PRPF18: variants seen among roughly 807,000 people sequenced by gnomAD.
The protein encoded by PRPF18 is pre-mRNA processing factor 18.
In PRPF18, 38 loss-of-function variants were observed where a neutral mutation model predicts 46.5. That is an observed-to-expected ratio of 0.82 (90% confidence interval 0.63 to 1.07). The LOEUF (loss-of-function observed/expected upper bound fraction) is 1.07, where lower values mean the gene tolerates loss of function less well. PRPF18 is among the 50% of genes least tolerant of loss of function. The probability of loss-of-function intolerance (pLI) is 0.00; values close to 1 mark genes in which losing one functional copy is unlikely to be tolerated. For missense variants in PRPF18, 263 were observed against 410.0 expected, an observed-to-expected ratio of 0.64 and a Z score of 3.10; for synonymous variants, 152 against 146.7, an observed-to-expected ratio of 1.04 and a Z score of -0.26.
the PRPF18 span, chr10:13,655,041 C>T: frequency 1.3e-5 from 2 of 156,968 alleles, no homozygotes; most frequent in South Asian, 1.9e-4. Flanking sequence ...ATCATTGCTA[C>T]TGTAGGGCGC....
chr10:13,628,485 C>A (rs1036493778), intron 9 of PRPF18, among the ~76,000 whole-genome samples: 16 of 148,336 alleles, frequency 1.1e-4, no homozygotes, highest in Non-Finnish European at 2.1e-4. Context: ...AGATTACTTA[C>A]AATACCCAAC....
chr10:13,591,929 T>G (rs10796097), intron 1 of PRPF18: 291,674 of 711,774 alleles, frequency 0.41, 19,353 homozygotes, highest in East Asian at 0.58. Context: ...CAACTGAGGG[T>G]TTTTTTTTTT....
At chr10:13,601,385 G>A (rs777571914) in intron 3 of PRPF18, among the ~76,000 whole-genome samples, 1 of 152,100 alleles carries the variant, frequency 6.6e-6, no homozygotes, top group African/African-American at 2.4e-5. Context: ...TTACTTAAAA[G>A]AAATCATAAA....
At chr10:13,655,169 T>C in the PRPF18 span, 2 of 152,266 alleles carry the variant, frequency 1.3e-5, no homozygotes, top group Non-Finnish European at 2.9e-5. Context: ...CCTACGTAAA[T>C]GCATCCTTTG....
At chr10:13,599,607 A>T (rs1564452275) in intron 2 of PRPF18, among the ~76,000 whole-genome samples, 1 of 152,220 alleles carries the variant, frequency 6.6e-6, no homozygotes, top group African/African-American at 2.4e-5. Flanking sequence ...TATGAACAAG[A>T]ATGCCCACTG....
At chr10:13,605,853 ATTATTGCTG>A (rs1179096529) in intron 4 of PRPF18, 109 bp downstream of exon 4, 1 of 1,355,388 alleles carries the variant, frequency 7.4e-7, no homozygotes, top group African/African-American at 1.5e-5. Flanking sequence ...AAGTGAGCAG[ATTATTGCTG>A]CTGAATGGAA....
intron 9 of PRPF18, among the ~76,000 whole-genome samples, chr10:13,623,249 G>A (rs2133958689): frequency 6.6e-6 from 1 of 152,234 alleles, no homozygotes; most frequent in East Asian, 1.9e-4. Context: ...TGAAGTATTG[G>A]CGTTTTAATG....
chr10:13,636,124 A>G, the PRPF18 span, among the ~76,000 whole-genome samples: 1 of 152,228 alleles, frequency 6.6e-6, no homozygotes, highest in Non-Finnish European at 1.5e-5. Context: ...GGTCAGTTAA[A>G]GTACGAGATA....
downstream of PRPF18, among the ~76,000 whole-genome samples, chr10:13,633,874 G>C (rs867241661): frequency 6.6e-6 from 1 of 152,178 alleles, no homozygotes; most frequent in Admixed American, 6.5e-5. Flanking sequence ...TGTCCAGAGC[G>C]CAAGAGCCAG....
chr10:13,606,127 A>G (rs76784007), intron 4 of PRPF18, among the ~76,000 whole-genome samples: 1,735 of 152,160 alleles, frequency 0.011, 30 homozygotes, highest in African/African-American at 0.04. Flanking sequence ...CTGCAGCTGT[A>G]TCCCTGAACT....
At chr10:13,601,683 A>G (rs2080112388) in intron 3 of PRPF18, among the ~76,000 whole-genome samples, 1 of 152,182 alleles carries the variant, frequency 6.6e-6, no homozygotes, top group African/African-American at 2.4e-5. Flanking sequence ...CATTTTTTAC[A>G]GTAAACATGT....
In PRPF18 at chr10:13,630,492, T is replaced by G. The variant is rs542841380; in HGVS notation, c.*152T>G. 4 of 500,500 alleles carry G rather than the reference T, an allele frequency of 8.0e-6. No homozygotes were observed. In the South Asian group the frequency reaches 1.8e-4, roughly 22 times the overall value. The allele number at this position is 500,500 out of a possible 1,614,324, so 31.0% of individuals were successfully genotyped here. On this transcript the variant is annotated 3_prime_UTR_variant, in exon 10 of 10. Coordinates refer to ENST00000378572, the MANE Select transcript of PRPF18 (RefSeq NM_003675.4). ...TAACTCTTGATTGGTTTTAAGAACT[T>G]TGTTGGCCTTCATTTCATATCTGAC...
At chr10:13,653,916 A>C in the PRPF18 span, 2 of 180,428 alleles carry the variant, frequency 1.1e-5, no homozygotes, top group African/African-American at 2.3e-5. Flanking sequence ...GCTTCAGGGC[A>C]CCTGATCTCT....
chr10:13,589,088 C>T (rs989456486), intron 1 of PRPF18, among the ~76,000 whole-genome samples: 2 of 152,206 alleles, frequency 1.3e-5, no homozygotes, highest in Non-Finnish European at 2.9e-5. Flanking sequence ...CATCTGTAAG[C>T]ATTAGGAAAC....
chr10:13,626,334 A>ATC (rs1375423846), intron 9 of PRPF18, among the ~76,000 whole-genome samples: 7 of 152,210 alleles, frequency 4.6e-5, no homozygotes, highest in African/African-American at 1.4e-4. Context: ...ATCCTGAGTG[A>ATC]TGTTTGGGCA....
At chr10:13,611,776 G>T in intron 6 of PRPF18, 93 bp downstream of exon 6, 1 of 1,094,228 alleles carries the variant, frequency 9.1e-7, no homozygotes. Flanking sequence ...GCTGGAACGG[G>T]AAAGCCTCAA....
intron 9 of PRPF18, among the ~76,000 whole-genome samples, chr10:13,622,250 A>T (rs1208829681): frequency 6.6e-6 from 1 of 152,218 alleles, no homozygotes; most frequent in East Asian, 1.9e-4. Context: ...TTTAGAGAAA[A>T]ATACTGCTAG....
chr10:13,606,348 T>C (rs750348854), intron 4 of PRPF18, among the ~76,000 whole-genome samples: 1 of 152,238 alleles, frequency 6.6e-6, no homozygotes, highest in Non-Finnish European at 1.5e-5. Context: ...GGTTCATCCA[T>C]GTTATTGCAG....
Position 13,597,449 on chromosome 10 carries a change from C to A in PRPF18, c.67-9C>A. 6.4e-7 allele frequency: 1 copy of A among 1,563,172 alleles called. No individual in the cohort carries two copies. Among genetic ancestry groups the A allele is most frequent in the East Asian group, 2.3e-5 (1 of 42,804 alleles). On this transcript the variant is annotated splice_polypyrimidine_tract_variant and intron_variant, in intron 1 of 9. Coordinates refer to ENST00000378572, the MANE Select transcript of PRPF18 (RefSeq NM_003675.4). ...ATATATTATTGACATAATTTATTTT[C>A]TTTAATAGGAAAATAAAAAATATTT... is the stretch of plus-strand genomic sequence containing the variant.
Sources: allele counts gnomAD v4.1 joint callset (sites outside exome capture counted in the v4.1 genomes callset), GRCh38; gene constraint gnomAD v4.1.1; transcripts MANE v1.5; gene names NCBI Gene and HGNC (gene_info 2026-07-23, HGNC 2026-07-21).